HERC3: variants seen among roughly 807,000 people sequenced by gnomAD.
HERC3 encodes probable E3 ubiquitin-protein ligase HERC3.
In HERC3, 58 loss-of-function variants were observed where a neutral mutation model predicts 129.9. The observed-to-expected ratio is 0.45, with a 90% CI of 0.36 to 0.56. The LOEUF (loss-of-function observed/expected upper bound fraction) is 0.56. Among genes scored for constraint, HERC3 ranks in the 20% least tolerant of loss-of-function variants. The probability of loss-of-function intolerance (pLI) is 0.00; values close to 1 mark genes in which losing one functional copy is unlikely to be tolerated. For synonymous variants in HERC3, 430 were observed against 451.0 expected (o/e 0.95, Z 0.59); for missense variants, 835 against 1,244.2 (o/e 0.67, Z 4.95).
chr4:88,584,349 C>A, the HERC3 span, among the ~76,000 whole-genome samples: 2 of 152,126 alleles, frequency 1.3e-5, no homozygotes, highest in African/African-American at 4.8e-5. Flanking sequence ...AGCCATTTAC[C>A]CTCAGAAACA....
intron 23 of HERC3, among the ~76,000 whole-genome samples, chr4:88,692,421 A>AG (rs949869259): frequency 7.9e-5 from 12 of 152,254 alleles, no homozygotes; most frequent in African/African-American, 2.9e-4. Context: ...GCCAAACTTA[A>AG]GGTAAGTGCT....
intron 10 of HERC3, among the ~76,000 whole-genome samples, chr4:88,659,273 G>A (rs781460876): frequency 1.3e-5 from 2 of 152,186 alleles, no homozygotes; most frequent in Non-Finnish European, 2.9e-5. Context: ...GAGGAGCAAG[G>A]GAATGGGCTG....
At chr4:88,630,836 A>G (rs541208774) in intron 3 of HERC3, among the ~76,000 whole-genome samples, 62 of 152,286 alleles carry the variant, frequency 4.1e-4, no homozygotes, top group Non-Finnish European at 8.2e-4. Context: ...AAATCCCTTT[A>G]AAGCATTAGA....
chr4:88,662,651 A>G, intron 11 of HERC3, 96 bp downstream of exon 11: 1 of 1,277,918 alleles, frequency 7.8e-7, no homozygotes, highest in Non-Finnish European at 1.1e-6. Flanking sequence ...GATACTGTGA[A>G]TGTAAATGGG....
intron 7 of HERC3, among the ~76,000 whole-genome samples, chr4:88,654,387 TAC>T (rs1553937176): frequency 1.2e-3 from 111 of 94,260 alleles, no homozygotes; most frequent in African/African-American, 3.0e-3. Context: ...TATATATATA[TAC>T]ACACACACAC....
At chr4:88,622,834 CAGG>C (rs1210455088) in intron 3 of HERC3, among the ~76,000 whole-genome samples, 5 of 151,946 alleles carry the variant, frequency 3.3e-5, no homozygotes, top group African/African-American at 1.2e-4. Context: ...GAGGCTGAGG[CAGG>C]AGAATTGCTT....
intron 18 of HERC3, 86 bp from the exon 19 acceptor site, chr4:88,677,878 G>A (rs1415300171): frequency 5.9e-6 from 7 of 1,187,996 alleles, no homozygotes; most frequent in South Asian, 4.0e-5. Context: ...TGCAGTCAGC[G>A]CCCCCAAGTC....
rs560936397 is a variant in HERC3, at chr4:88,669,668, C to T, written c.1634-192C>T. 3.9e-5 allele frequency among the ~76,000 whole-genome samples: 6 copies of T among 152,174 alleles called. No individual in the cohort carries two copies. The East Asian group carries it at 1.2e-3, about 29-fold the overall frequency. ...CAGACCAGGCTTTACAAAAAAAGCT[C>T]CAGGGATTCTTTTACAGCTGTTGTT... On this transcript the variant is annotated intron_variant, in intron 14 of 25. Coordinates refer to ENST00000402738, the MANE Select transcript of HERC3 (RefSeq NM_014606.3).
chr4:88,531,502 C>T, the HERC3 span, among the ~76,000 whole-genome samples: 2 of 152,196 alleles, frequency 1.3e-5, no homozygotes, highest in Non-Finnish European at 1.5e-5. Context: ...ATTAATTTGT[C>T]TATTTAGAAC....
At chr4:88,674,513 T>C (rs891690146) in intron 16 of HERC3, among the ~76,000 whole-genome samples, 13 of 152,218 alleles carry the variant, frequency 8.5e-5, no homozygotes, top group Non-Finnish European at 1.9e-4. Flanking sequence ...CCCTTGAGAA[T>C]AGGCAGATAA....
chr4:88,648,663 G>A (rs1222409572), intron 3 of HERC3, among the ~76,000 whole-genome samples: 2 of 151,906 alleles, frequency 1.3e-5, no homozygotes, highest in Admixed American at 1.3e-4. Flanking sequence ...TCTACAGTAG[G>A]TATTTTGTTG....
the HERC3 span, among the ~76,000 whole-genome samples, chr4:88,526,671 G>C: frequency 6.6e-6 from 1 of 152,122 alleles, no homozygotes; most frequent in Non-Finnish European, 1.5e-5. Context: ...AGGTAGCTGG[G>C]AATACAGGTG....
At chr4:88,653,437 T>C (rs1272011822) in intron 6 of HERC3, among the ~76,000 whole-genome samples, 1 of 152,214 alleles carries the variant, frequency 6.6e-6, no homozygotes, top group Non-Finnish European at 1.5e-5. Context: ...GAGAACTGGG[T>C]GTGCAAAGGT....
chr4:88,597,259 A>G (rs1254380542), intron 2 of HERC3, among the ~76,000 whole-genome samples: 1 of 152,234 alleles, frequency 6.6e-6, no homozygotes, highest in African/African-American at 2.4e-5. Context: ...CTTCACTTGT[A>G]TTAGTCACAT....
At chr4:88,648,087 C>T (rs1264925213) in intron 3 of HERC3, among the ~76,000 whole-genome samples, 1 of 152,140 alleles carries the variant, frequency 6.6e-6, no homozygotes, top group Non-Finnish European at 1.5e-5. Context: ...GCTTTTCTTT[C>T]TCATAAATCA....
the HERC3 span, among the ~76,000 whole-genome samples, chr4:88,581,110 A>G: frequency 3.3e-5 from 5 of 152,058 alleles, no homozygotes; most frequent in African/African-American, 1.2e-4. Flanking sequence ...AGGTTAACAC[A>G]TGAAAACTCC....
intron 2 of HERC3, among the ~76,000 whole-genome samples, chr4:88,595,830 A>G (rs1025552556): frequency 6.7e-6 from 1 of 150,006 alleles, no homozygotes; most frequent in African/African-American, 2.5e-5. Flanking sequence ...CTCTGCTTCA[A>G]GCACTTAATT....
At chr4:88,647,277 G>C (rs1728793958) in intron 3 of HERC3, among the ~76,000 whole-genome samples, 1 of 152,192 alleles carries the variant, frequency 6.6e-6, no homozygotes, top group Admixed American at 6.5e-5. Context: ...TATTCTGTCA[G>C]GATAGTGGGG....
intron 18 of HERC3, 87 bp from the exon 19 acceptor site, chr4:88,677,877 C>A: frequency 1.7e-6 from 2 of 1,183,224 alleles, no homozygotes; most frequent in Non-Finnish European, 2.4e-6. Flanking sequence ...ATGCAGTCAG[C>A]GCCCCCAAGT....
Sources: allele counts gnomAD v4.1 joint callset (sites outside exome capture counted in the v4.1 genomes callset), GRCh38; gene constraint gnomAD v4.1.1; transcripts MANE v1.5; gene names NCBI Gene and HGNC (gene_info 2026-07-23, HGNC 2026-07-21).